The following NIN variants were observed in gnomAD, a reference collection of about 807,000 sequenced individuals.
The protein encoded by NIN is glycogen synthase kinase 3 beta-interacting protein.
Under a neutral mutation model 257.6 loss-of-function variants are expected in NIN, and 137 were observed. That is an observed-to-expected ratio of 0.53 (90% CI 0.46 to 0.61). NIN has a LOEUF of 0.61. Ranked by LOEUF, NIN falls within the 20% of genes least tolerant of loss-of-function variation. NIN has a pLI of 0.00. For synonymous variants in NIN, 918 were observed against 919.8 expected (o/e 1.00, Z 0.04); for missense variants, 2,439 against 2,501.2 (o/e 0.98, Z 0.53).
rs773445183 is a variant in NIN, at chr14:50,757,749, C to T, written c.3281G>A (p.Arg1094Lys). ...TAACCCTGGCTCTAACTTTTGTAGC[C>T]TCTGTTGCAATCTAGAAATTTCAGT... ...MATEISRLQQ[R>K]LQKLEPGLVM... Residue 1094 changes from arginine (R) to lysine (K), a missense_variant, in exon 18 of 31, where the codon AGG becomes AAG. Arg to Lys is a conservative substitution (Grantham distance 26). Around this residue, in one of 3 missense-constraint regions of NIN, gnomAD observed 2,043 missense variants for 2,050.2 expected, o/e 1.00. Coordinates refer to ENST00000530997, the MANE Select transcript of NIN (RefSeq NM_020921.4). 1.2e-6 allele frequency: 2 copies of T among 1,614,090 alleles called. No individual in the cohort carries two copies. Among genetic ancestry groups the T allele is most frequent in the Non-Finnish European group, 1.7e-6 (2 of 1,180,052 alleles).
chr14:50,759,258 G>A (rs1233270901), intron 17 of NIN, among the ~76,000 whole-genome samples: 1 of 152,174 alleles, frequency 6.6e-6, no homozygotes, highest in African/African-American at 2.4e-5. Context: ...GAACTAGGAA[G>A]GAACCACTTT....
At chr14:50,776,221 T>C (rs190538858) in intron 7 of NIN, among the ~76,000 whole-genome samples, 8 of 152,316 alleles carry the variant, frequency 5.3e-5, no homozygotes, top group Admixed American at 4.6e-4. Flanking sequence ...TTCTTATGTT[T>C]CACAGCTATT....
intron 5 of NIN, among the ~76,000 whole-genome samples, chr14:50,791,826 C>CACAG (rs2043609334): frequency 1.3e-5 from 2 of 152,086 alleles, no homozygotes; most frequent in Non-Finnish European, 2.9e-5. Context: ...CACACACACA[C>CACAG]ACACACACAC....
At chr14:50,819,440 A>T (rs922913599) in intron 3 of NIN, among the ~76,000 whole-genome samples, 1 of 152,104 alleles carries the variant, frequency 6.6e-6, no homozygotes, top group Non-Finnish European at 1.5e-5. Flanking sequence ...ACGAGATCTG[A>T]TGGTTTTATA....
At chr14:50,743,922 G>A (rs1429606385) in intron 23 of NIN, among the ~76,000 whole-genome samples, 1 of 152,118 alleles carries the variant, frequency 6.6e-6, no homozygotes, top group Non-Finnish European at 1.5e-5. Context: ...GAAAAAAAGT[G>A]TTTATCTATG....
intron 4 of NIN, among the ~76,000 whole-genome samples, chr14:50,798,350 A>G (rs1254571993): frequency 2.6e-5 from 4 of 152,178 alleles, no homozygotes; most frequent in Non-Finnish European, 4.4e-5. Context: ...GCTTCTGGAC[A>G]CAAAAGTAAC....
chr14:50,781,959 C>G (rs1054399239), intron 5 of NIN, among the ~76,000 whole-genome samples: 1 of 150,076 alleles, frequency 6.7e-6, no homozygotes. Context: ...GTCTTCCCAG[C>G]AGAGAAGGAA....
chr14:50,726,315 T>C, intron 29 of NIN: 1 of 408,302 alleles, frequency 2.4e-6, no homozygotes, highest in South Asian at 5.4e-5. Flanking sequence ...ATCCCCCTGA[T>C]ATAAAGCAAA....
intron 3 of NIN, among the ~76,000 whole-genome samples, chr14:50,811,494 T>C (rs1256640538): frequency 6.9e-6 from 1 of 144,728 alleles, no homozygotes. Flanking sequence ...TTGTATTTAA[T>C]ACACTCTTGT....
chr14:50,804,795 GAA>G (rs774580395), intron 4 of NIN, among the ~76,000 whole-genome samples: 2 of 142,228 alleles, frequency 1.4e-5, no homozygotes, highest in South Asian at 2.2e-4. Flanking sequence ...GATGAGCTAG[GAA>G]AAAAAAAAAA....
At chr14:50,797,112 C>T (rs1246629557) in intron 4 of NIN, among the ~76,000 whole-genome samples, 1 of 152,222 alleles carries the variant, frequency 6.6e-6, no homozygotes, top group Non-Finnish European at 1.5e-5. Context: ...TTCAAAGATG[C>T]TCCCCAGTGT....
At chr14:50,813,628 C>T (rs888724303) in intron 3 of NIN, among the ~76,000 whole-genome samples, 1 of 152,142 alleles carries the variant, frequency 6.6e-6, no homozygotes, top group African/African-American at 2.4e-5. Flanking sequence ...TCAAACCACA[C>T]ACACAAAAAA....
intron 7 of NIN, among the ~76,000 whole-genome samples, chr14:50,775,868 A>T (rs1217787257): frequency 6.6e-6 from 1 of 152,228 alleles, no homozygotes; most frequent in East Asian, 1.9e-4. Context: ...AATGAAAAAT[A>T]AATTACCACT....
intron 22 of NIN, among the ~76,000 whole-genome samples, 161 bp downstream of exon 22, chr14:50,747,831 A>G (rs2140631180): frequency 6.6e-6 from 1 of 152,268 alleles, no homozygotes; most frequent in South Asian, 2.1e-4. Context: ...AGGATTTTGC[A>G]CTTTAGGTCC....
chr14:50,806,746 G>C lies in NIN; in HGVS notation c.256C>G (p.Gln86Glu). 6.3e-7 allele frequency: 1 copy of C among 1,579,392 alleles called. No homozygotes were observed. The highest frequency in any genetic ancestry group is 8.7e-7 in the Non-Finnish European group (1 of 1,150,394). The change falls in exon 4 of 31, where the codon CAA (glutamine) becomes GAA (glutamate). Residue 86 changes from glutamine (Q) to glutamate (E), a missense_variant. Coordinates refer to ENST00000530997, the MANE Select transcript of NIN (RefSeq NM_020921.4). ...AAGTGAGTGACCTTACCTGGTTCTT[G>C]AAAGTGTTCTTCATTTGACAGAGTT... ...SRTLSNEEHFQEPDCSLEAQP... is the reference protein window; with the variant it reads ...SRTLSNEEHFEEPDCSLEAQP...
intron 4 of NIN, among the ~76,000 whole-genome samples, chr14:50,802,961 T>TG (rs1185666540): frequency 6.6e-6 from 1 of 152,212 alleles, no homozygotes; most frequent in Non-Finnish European, 1.5e-5. Flanking sequence ...CTGAGCACTA[T>TG]GGTCCCCCTT....
At chr14:50,723,931 C>A in intron 30 of NIN, 1 of 380,824 alleles carries the variant, frequency 2.6e-6, no homozygotes, top group Non-Finnish European at 4.7e-6. Context: ...TTAGATGGCA[C>A]CAAAAGTTTT....
chr14:50,783,120 T>G (rs2043201708), intron 5 of NIN, among the ~76,000 whole-genome samples: 3 of 152,184 alleles, frequency 2.0e-5, no homozygotes, highest in Admixed American at 2.0e-4. Flanking sequence ...AGACGGAGTC[T>G]CACTCTGTTC....
rs1270686178 is a variant in NIN at position 50,744,297 on chromosome 14, T to G, written c.5133A>C (p.Lys1711Asn). Residue 1711 changes from lysine to asparagine, a missense_variant, in exon 23 of 31, where the codon AAA becomes AAC. Lys to Asn is a moderately conservative substitution (Grantham distance 94). This residue lies in a region of NIN where 2,043 missense variants were observed against 2,050.2 expected (regional missense o/e 1.00). Coordinates refer to ENST00000530997, the MANE Select transcript of NIN (RefSeq NM_020921.4). ...TCAGAGCTTCCTTTTCTTTCAGCAG[T>G]TTTTCGTTGTAGCTTAGAACACTAG... Reference protein sequence around the residue: ...KISSVLSYNEKLLKEKEALSE... With the variant: ...KISSVLSYNENLLKEKEALSE... The G allele has an allele frequency of 3.1e-6, 5 of 1,614,072 alleles. No homozygotes were observed. Among genetic ancestry groups the G allele is most frequent in the Non-Finnish European group, 3.4e-6 (4 of 1,179,968 alleles).
Sources: allele counts gnomAD v4.1 joint callset (sites outside exome capture counted in the v4.1 genomes callset), GRCh38; gene constraint gnomAD v4.1.1; regional missense constraint gnomAD v4.1.1; transcripts MANE v1.5; gene names NCBI Gene and HGNC (gene_info 2026-07-23, HGNC 2026-07-21).